The following TEX14 variants were observed in gnomAD, a reference collection of about 807,000 sequenced individuals.
The protein encoded by TEX14 is testis expressed 14, intercellular bridge forming factor.
In TEX14, 168 loss-of-function variants were observed where a neutral mutation model predicts 178.6. That is an observed-to-expected ratio of 0.94 (90% CI 0.83 to 1.07). The LOEUF (loss-of-function observed/expected upper bound fraction) is 1.07. Ranked by LOEUF, TEX14 falls within the 50% of genes least tolerant of loss-of-function variation. The pLI, the probability that TEX14 is intolerant of heterozygous loss-of-function variation, is 0.00. For missense variants in TEX14, 1,730 were observed against 1,753.6 expected, an observed-to-expected ratio of 0.99 and a Z score of 0.24; for synonymous variants, 626 against 634.1, an observed-to-expected ratio of 0.99 and a Z score of 0.19.
chr17:58,564,460 G>A (rs563826890), intron 28 of TEX14, among the ~76,000 whole-genome samples: 1 of 152,332 alleles, frequency 6.6e-6, no homozygotes, highest in African/African-American at 2.4e-5. Flanking sequence ...AGTATCAACA[G>A]TAGTCAAACT....
intron 28 of TEX14, among the ~76,000 whole-genome samples, chr17:58,563,883 C>T (rs1434884702): frequency 6.7e-6 from 1 of 149,716 alleles, no homozygotes; most frequent in Non-Finnish European, 1.5e-5. Context: ...ATACAAATGG[C>T]CAACAAGCAC....
intron 15 of TEX14, among the ~76,000 whole-genome samples, chr17:58,588,983 G>C (rs79092549): frequency 6.6e-6 from 1 of 152,066 alleles, no homozygotes; most frequent in Non-Finnish European, 1.5e-5. Context: ...TTTCAAAAAC[G>C]CATGAACTGG....
At chr17:58,620,581 C>T (rs1233385831) in intron 5 of TEX14, among the ~76,000 whole-genome samples, 1 of 152,038 alleles carries the variant, frequency 6.6e-6, no homozygotes, top group Non-Finnish European at 1.5e-5. Flanking sequence ...GCAACCTCCG[C>T]CTCCTGGGTT....
chr17:58,684,386 C>G (rs148802356), intron 1 of TEX14, among the ~76,000 whole-genome samples: 1 of 151,368 alleles, frequency 6.6e-6, no homozygotes, highest in Non-Finnish European at 1.5e-5. Flanking sequence ...CGCTTGAACA[C>G]GGGAGGCGGA....
At chr17:58,591,247 G>T (rs1276155692) in intron 15 of TEX14, among the ~76,000 whole-genome samples, 1 of 152,200 alleles carries the variant, frequency 6.6e-6, no homozygotes, top group African/African-American at 2.4e-5. Context: ...GCTGGGCGCG[G>T]TGGCTCACGC....
intron 1 of TEX14, among the ~76,000 whole-genome samples, chr17:58,681,975 A>G (rs1030361480): frequency 8.5e-5 from 13 of 152,334 alleles, no homozygotes; most frequent in African/African-American, 2.9e-4. Context: ...TGCCAGTTTC[A>G]GAAGATTTGT....
chr17:58,690,554 T>C (rs1195867818), intron 1 of TEX14, among the ~76,000 whole-genome samples: 2 of 152,184 alleles, frequency 1.3e-5, no homozygotes, highest in South Asian at 2.1e-4. Context: ...TGAAGACTTA[T>C]TGTTGAATGT....
chr17:58,619,998 C>T (rs2144542550), intron 5 of TEX14, among the ~76,000 whole-genome samples: 1 of 152,172 alleles, frequency 6.6e-6, no homozygotes, highest in Middle Eastern at 3.4e-3. Context: ...TGTACAGAGC[C>T]CTACCATGCA....
At chr17:58,578,075 G>C (rs2044722534) in intron 20 of TEX14, among the ~76,000 whole-genome samples, 1 of 152,098 alleles carries the variant, frequency 6.6e-6, no homozygotes, top group Non-Finnish European at 1.5e-5. Flanking sequence ...AATAAAGAAG[G>C]GGGCAGATGG....
intron 26 of TEX14, among the ~76,000 whole-genome samples, chr17:58,566,904 C>T (rs1253568328): frequency 6.6e-6 from 1 of 151,952 alleles, no homozygotes; most frequent in African/African-American, 2.4e-5. Context: ...CAGTGGCTCA[C>T]ACCTGTAATC....
At position 58,556,719 on chromosome 17, in the gene TEX14, A is replaced by G. The variant is rs2044143157; in HGVS notation, c.*292T>C. On this transcript the variant is annotated 3_prime_UTR_variant, in exon 32 of 32. Coordinates refer to ENST00000349033, the MANE Select transcript of TEX14 (RefSeq NM_031272.5). ...AACATTTTATTATATAACAAGAGTTAAAGTTTTTGAAAATTAACATCAACA... is the reference window on the plus strand; with the variant it reads ...AACATTTTATTATATAACAAGAGTTGAAGTTTTTGAAAATTAACATCAACA... 2.7e-6 allele frequency: 1 copy of G among 376,958 alleles called. No individual in the cohort carries two copies. 23.4% of individuals were successfully genotyped at this position (376,958 alleles called of 1,614,324 possible).
chr17:58,661,814 T>G, intron 1 of TEX14: 1 of 484,584 alleles, frequency 2.1e-6, no homozygotes, highest in Non-Finnish European at 3.6e-6. Flanking sequence ...AAACTTTGTC[T>G]CTCTGTTTCC....
At chr17:58,577,616 G>C (rs2044711023) in intron 20 of TEX14, among the ~76,000 whole-genome samples, 160 bp from the exon 21 acceptor site, 1 of 152,146 alleles carries the variant, frequency 6.6e-6, no homozygotes, top group South Asian at 2.1e-4. Flanking sequence ...TTTGGATTGA[G>C]TGCTGTAGAA....
chr17:58,669,222 C>T (rs986212252), intron 1 of TEX14, among the ~76,000 whole-genome samples: 4 of 151,938 alleles, frequency 2.6e-5, no homozygotes, highest in Non-Finnish European at 5.9e-5. Flanking sequence ...TATGGTGGTA[C>T]ACGCCTCTAA....
intron 2 of TEX14, 91 bp downstream of exon 2, chr17:58,651,775 C>T: frequency 1.7e-6 from 2 of 1,208,906 alleles, no homozygotes; most frequent in Non-Finnish European, 2.3e-6. Flanking sequence ...TCCCCAAGGA[C>T]TCATTCATAC....
intron 19 of TEX14, chr17:58,581,860 C>A: frequency 1.0e-6 from 1 of 971,788 alleles, no homozygotes; most frequent in Non-Finnish European, 1.5e-6. Context: ...TGAGCTGACT[C>A]TCCCTACCTC....
At position 58,686,861 on chromosome 17, in the gene TEX14, C is replaced by CTT. The variant is rs71143271; in HGVS notation, c.-2+5076_-2+5077dup. Among the ~76,000 whole-genome samples the CTT allele has an allele frequency of 1.0e-3, 75 of 71,540 alleles. 6 individuals are homozygous for CTT. The highest frequency in any genetic ancestry group is 2.8e-3 in the East Asian group (6 of 2,118). 46.9% of individuals were successfully genotyped at this position (71,540 alleles called of 152,430 possible). A position where few individuals can be genotyped will look rare whatever the true frequency, so the allele number is the denominator to read the frequency against. ...AACCCACTTGAACATGAAAGGTCAC[C>CTT]TTTTTTTTTTTTTTTTTTTTTTTTT... On this transcript the variant is annotated intron_variant, in intron 1 of 31. Transcript: ENST00000349033.
Position 58,652,004 on chromosome 17 carries a change from T to A in TEX14, c.-1-2A>T. On this transcript the variant is annotated splice_acceptor_variant, in intron 1 of 31. Transcript: ENST00000349033. LOFTEE classifies it low-confidence loss of function (5UTR_SPLICE). ...GGAAGACGAACAGCCCGAGACATCC[T>A]GTTCCAAAAGAGAGCAATATGCTTA... The A allele has an allele frequency of 6.4e-7, 1 of 1,566,846 alleles. No homozygotes were observed.
At chr17:58,672,935 T>C (rs1312449142) in intron 1 of TEX14, among the ~76,000 whole-genome samples, 3 of 152,168 alleles carry the variant, frequency 2.0e-5, no homozygotes, top group South Asian at 4.2e-4. Context: ...TTTCTCCATG[T>C]TGGCCAGGCT....
Sources: allele counts gnomAD v4.1 joint callset (sites outside exome capture counted in the v4.1 genomes callset), GRCh38; gene constraint gnomAD v4.1.1; transcripts MANE v1.5; gene names NCBI Gene and HGNC (gene_info 2026-07-23, HGNC 2026-07-21).